BRINP2: variants seen among roughly 807,000 people sequenced by gnomAD.
BRINP2 encodes BMP/retinoic acid-inducible neural-specific protein 2.
Under a neutral mutation model 69.2 loss-of-function variants are expected in BRINP2, and 21 were observed. The ratio of observed to expected loss-of-function variants is 0.30; its 90% CI spans 0.22 to 0.44. The LOEUF is 0.44. BRINP2 is among the 20% of genes least tolerant of loss of function. The pLI is 1.00. For synonymous variants in BRINP2, 380 were observed against 394.1 expected (o/e 0.96, Z 0.42); for missense variants, 877 against 986.0 (o/e 0.89, Z 1.48).
At chr1:177,276,114 G>T (rs1651484823) in intron 5 of BRINP2, 84 bp from the exon 6 acceptor site, 6 of 1,293,774 alleles carry the variant, frequency 4.6e-6, no homozygotes. Context: ...CAGAACTCCA[G>T]CTGGGATTCC....
In BRINP2 at chr1:177,178,578, C is replaced by G. The variant is rs532178259; in HGVS notation, c.-77+6846C>G. On this transcript the variant is annotated intron_variant, in intron 1 of 7. Coordinates refer to ENST00000361539, the MANE Select transcript of BRINP2 (RefSeq NM_021165.4). Reference sequence around the variant, plus strand: ...CCTCTATGAAGTCTTCTCTGAAACTCTGGGACAGAATTAATTGCCTCCCCC... The same window carrying G: ...CCTCTATGAAGTCTTCTCTGAAACTGTGGGACAGAATTAATTGCCTCCCCC... Among the ~76,000 whole-genome samples, 4 of 152,224 alleles carry G rather than the reference C, an allele frequency of 2.6e-5. No homozygotes were observed. The East Asian group carries it at 7.8e-4, about 30-fold the overall frequency.
chr1:177,200,455 G>A (rs564089890), intron 1 of BRINP2, among the ~76,000 whole-genome samples: 2 of 152,106 alleles, frequency 1.3e-5, no homozygotes, highest in Non-Finnish European at 2.9e-5. Context: ...GCTCATCGCT[G>A]CCCATCTGAC....
chr1:177,280,658 G>A lies in BRINP2; in HGVS notation c.1482G>A (p.Glu494=). ...YVLAQGLCRP[E]VAESLENFLG... Reference sequence around the variant, plus strand: ...TGGCCCAGGGGCTGTGCCGGCCAGAGGTGGCCGAGTCCCTGGAAAACTTTC... The same window carrying A: ...TGGCCCAGGGGCTGTGCCGGCCAGAAGTGGCCGAGTCCCTGGAAAACTTTC... The change falls in exon 8 of 8, where the codon GAG becomes GAA. Residue 494 remains glutamate (E), a synonymous_variant. Coordinates refer to ENST00000361539, the MANE Select transcript of BRINP2 (RefSeq NM_021165.4). 1 of 1,614,234 alleles carries A rather than the reference G, an allele frequency of 6.2e-7. No homozygotes were observed. The highest frequency in any genetic ancestry group is 8.5e-7 in the Non-Finnish European group (1 of 1,180,040).
At chr1:177,195,031 C>G (rs141406350) in intron 1 of BRINP2, among the ~76,000 whole-genome samples, 1 of 152,116 alleles carries the variant, frequency 6.6e-6, no homozygotes, top group East Asian at 1.9e-4. Context: ...ATGGCAGAAC[C>G]TGTGGGTATA....
At chr1:177,190,516 A>G (rs1480889759) in intron 1 of BRINP2, among the ~76,000 whole-genome samples, 2 of 152,050 alleles carry the variant, frequency 1.3e-5, no homozygotes, top group Non-Finnish European at 2.9e-5. Flanking sequence ...CAGCCCACAT[A>G]CCATCTGTTG....
At chr1:177,218,945 A>G (rs994584316) in intron 1 of BRINP2, among the ~76,000 whole-genome samples, 1 of 152,110 alleles carries the variant, frequency 6.6e-6, no homozygotes, top group Non-Finnish European at 1.5e-5. Context: ...GCCATTATCT[A>G]TTCTATTCTT....
At chr1:177,236,829 G>A (rs955806840) in intron 2 of BRINP2, among the ~76,000 whole-genome samples, 1 of 150,676 alleles carries the variant, frequency 6.6e-6, no homozygotes, top group Non-Finnish European at 1.5e-5. Flanking sequence ...TCCTTTCCCT[G>A]TTCTTCCCCA....
At chr1:177,188,800 A>G (rs535558626) in intron 1 of BRINP2, among the ~76,000 whole-genome samples, 1 of 142,506 alleles carries the variant, frequency 7.0e-6, no homozygotes, top group South Asian at 2.3e-4. Flanking sequence ...TGCGTAGGTT[A>G]AGAATTCAGT....
intron 1 of BRINP2, among the ~76,000 whole-genome samples, chr1:177,224,517 C>T (rs764043599): frequency 6.6e-6 from 1 of 152,008 alleles, no homozygotes; most frequent in Non-Finnish European, 1.5e-5. Flanking sequence ...AATCATTTAA[C>T]CGATGATACA....
At chr1:177,269,870 C>A (rs1204646638) in intron 4 of BRINP2, among the ~76,000 whole-genome samples, 3 of 152,140 alleles carry the variant, frequency 2.0e-5, no homozygotes, top group African/African-American at 4.8e-5. Flanking sequence ...TGTCAACAGA[C>A]CAATTAGCAC....
At chr1:177,275,180 G>A (rs1244984884) in intron 5 of BRINP2, 1 of 456,262 alleles carries the variant, frequency 2.2e-6, no homozygotes, top group Admixed American at 2.3e-5. Flanking sequence ...TTCATCCTTT[G>A]GTAAGCTTCC....
intron 2 of BRINP2, among the ~76,000 whole-genome samples, chr1:177,242,265 T>C (rs969450085): frequency 4.6e-5 from 7 of 152,166 alleles, no homozygotes; most frequent in Non-Finnish European, 5.9e-5. Flanking sequence ...TCCTTGTTGG[T>C]CCATCTGTCC....
intron 1 of BRINP2, among the ~76,000 whole-genome samples, chr1:177,216,038 A>G (rs1175784899): frequency 6.6e-6 from 1 of 152,038 alleles, no homozygotes; most frequent in Non-Finnish European, 1.5e-5. Context: ...TGTACAGCAT[A>G]TACTTGGACC....
chr1:177,193,083 G>A (rs576717934), intron 1 of BRINP2, among the ~76,000 whole-genome samples: 30 of 152,340 alleles, frequency 2.0e-4, no homozygotes, highest in South Asian at 1.0e-3. Flanking sequence ...GTTGTGAAGC[G>A]TAAACTGCTT....
chr1:177,276,966 T>C (rs1209273521), intron 6 of BRINP2, among the ~76,000 whole-genome samples: 1 of 152,172 alleles, frequency 6.6e-6, no homozygotes, highest in Non-Finnish European at 1.5e-5. Context: ...AGGTCTCGAG[T>C]TTCCTCATCT....
chr1:177,280,347 C>T, intron 7 of BRINP2, 65 bp from the exon 8 acceptor site: 2 of 1,467,004 alleles, frequency 1.4e-6, no homozygotes, highest in Admixed American at 2.1e-5. Flanking sequence ...TCTTGCTGCC[C>T]TTAAGAAGGG....
intron 4 of BRINP2, among the ~76,000 whole-genome samples, chr1:177,262,469 G>A (rs530840451): frequency 2.0e-5 from 3 of 150,336 alleles, no homozygotes; most frequent in Non-Finnish European, 3.0e-5. Context: ...CTGAGATTGC[G>A]CCACTGCACT....
intron 1 of BRINP2, among the ~76,000 whole-genome samples, chr1:177,210,655 AAC>A (rs1649196189): frequency 6.6e-6 from 1 of 152,162 alleles, no homozygotes; most frequent in Non-Finnish European, 1.5e-5. Flanking sequence ...TTAAGTTAAA[AAC>A]ATACTCAGTT....
chr1:177,181,919 C>T (rs1337332470), intron 1 of BRINP2, among the ~76,000 whole-genome samples: 1 of 152,194 alleles, frequency 6.6e-6, no homozygotes, highest in Admixed American at 6.5e-5. Flanking sequence ...ATTCTTGCCC[C>T]GGAGGTTGCC....
Sources: gnomAD v4.1 joint callset for allele counts (sites outside exome capture counted in the v4.1 genomes callset) on GRCh38, gnomAD v4.1.1 for gene constraint, MANE v1.5 for transcripts, NCBI Gene and HGNC (gene_info 2026-07-23, HGNC 2026-07-21) for gene names.